SERPINA12: variants seen among roughly 807,000 people sequenced by gnomAD.
The protein encoded by SERPINA12 is serpin A12.
A neutral mutation model predicts 25.9 loss-of-function variants in SERPINA12; 21 were observed. The observed-to-expected ratio is 0.81, with a 90% confidence interval of 0.58 to 1.17. The LOEUF is 1.17. Ranked by LOEUF, SERPINA12 falls within the 50% of genes most tolerant of loss-of-function variation. SERPINA12 has a pLI of 0.00. For missense variants in SERPINA12, 562 were observed against 508.3 expected (o/e 1.11, Z -1.02); for synonymous variants, 220 against 196.0 (o/e 1.12, Z -1.02).
At chr14:94,508,911 C>A (rs1486791029) in intron 1 of SERPINA12, among the ~76,000 whole-genome samples, 3 of 152,148 alleles carry the variant, frequency 2.0e-5, no homozygotes, top group Non-Finnish European at 4.4e-5. Flanking sequence ...TACTTCCATG[C>A]ACATATTAGT....
intron 1 of SERPINA12, among the ~76,000 whole-genome samples, chr14:94,502,066 T>C (rs947920202): frequency 6.7e-6 from 1 of 150,072 alleles, no homozygotes; most frequent in Non-Finnish European, 1.5e-5. Context: ...CTGTGTGTGT[T>C]TGGCTGTGAC....
In SERPINA12 at chr14:94,487,296, T is replaced by A; in HGVS notation, c.*7A>T. 8 of 1,609,824 alleles carry A rather than the reference T, an allele frequency of 5.0e-6. No homozygotes were observed. Among genetic ancestry groups the A allele is most frequent in the Non-Finnish European group, 6.8e-6 (8 of 1,177,038 alleles). On this transcript the variant is annotated 3_prime_UTR_variant, in exon 5 of 5. Coordinates refer to ENST00000677451, the MANE Select transcript of SERPINA12 (RefSeq NM_001382267.1). Reference sequence around the variant, plus strand: ...GTTCGGGGTCTGTGGCAAGCAGGAATTCTCCTTTATTTTCCAATAGGGTTA... The same window carrying A: ...GTTCGGGGTCTGTGGCAAGCAGGAAATCTCCTTTATTTTCCAATAGGGTTA...
intron 1 of SERPINA12, among the ~76,000 whole-genome samples, chr14:94,508,835 G>A (rs1212514548): frequency 2.0e-5 from 3 of 152,096 alleles, no homozygotes; most frequent in Admixed American, 2.0e-4. Context: ...AAACATTGTG[G>A]GTGGGGGCCA....
chr14:94,513,888 A>G (rs566460615), upstream of SERPINA12, among the ~76,000 whole-genome samples: 2 of 152,310 alleles, frequency 1.3e-5, no homozygotes, highest in South Asian at 4.2e-4. Context: ...CCCAAGACCA[A>G]AAATGCTTTC....
At chr14:94,501,894 G>A (rs1414102154) in intron 1 of SERPINA12, among the ~76,000 whole-genome samples, 1 of 152,092 alleles carries the variant, frequency 6.6e-6, no homozygotes, top group Non-Finnish European at 1.5e-5. Context: ...TTTGTCAGTT[G>A]GGTTAGATGC....
In SERPINA12 at chr14:94,496,560, T is replaced by C. The variant is rs74077729; in HGVS notation, c.718A>G (p.Met240Val). ...LEKNSSVKVPMMFRSGIYQVG... is the reference protein window; with the variant it reads ...LEKNSSVKVPVMFRSGIYQVG... Reference sequence around the variant, plus strand: ...TGGTATATGCCACTACGGAACATCATGGGCACCTTGACTGAACTGTTTTTC... The same window carrying C: ...TGGTATATGCCACTACGGAACATCACGGGCACCTTGACTGAACTGTTTTTC... Residue 240 changes from methionine (M) to valine (V), a missense_variant, in exon 3 of 5, where the codon ATG becomes GTG. Coordinates refer to ENST00000677451, the MANE Select transcript of SERPINA12 (RefSeq NM_001382267.1). 3.9e-4 allele frequency: 631 copies of C among 1,614,114 alleles called. No homozygotes were observed. The African/African-American group carries it at 4.1e-3, about 11-fold the overall frequency.
At position 94,498,317 on chromosome 14, in the gene SERPINA12, T is replaced by C. The variant is rs781119239; in HGVS notation, c.81A>G (p.Pro27=). The change falls in exon 2 of 5, where the codon CCA becomes CCG. Residue 27 remains proline, a synonymous_variant. Transcript: ENST00000677451. ...VKGLLKPSFS[P]RNYKALSEVQ... Reference sequence around the variant, plus strand: ...CCTCGCTCAAAGCTTTATAATTCCTTGGTGAGAAGCTCGGCTTTAGAAGAC... The same window carrying C: ...CCTCGCTCAAAGCTTTATAATTCCTCGGTGAGAAGCTCGGCTTTAGAAGAC... The C allele has an allele frequency of 1.2e-6, 2 of 1,614,080 alleles. No individual in the cohort carries two copies. Among genetic ancestry groups the C allele is most frequent in the African/African-American group, 1.3e-5 (1 of 74,936 alleles).
chr14:94,516,088 T>C (rs1176324672), exon 2 of SERPINA12: 2 of 152,526 alleles, frequency 1.3e-5, no homozygotes, highest in East Asian at 3.9e-4. Flanking sequence ...GTGTGCTGGC[T>C]CTGTTCTTGC....
intron 4 of SERPINA12, 76 bp from the exon 5 acceptor site, chr14:94,487,570 T>C: frequency 7.4e-7 from 1 of 1,347,526 alleles, no homozygotes; most frequent in Non-Finnish European, 1.0e-6. Context: ...CCAGAGAGGA[T>C]CAGAGAGGAA....
At chr14:94,517,194 T>G (rs1901257204) in intron 1 of SERPINA12, among the ~76,000 whole-genome samples, 1 of 151,298 alleles carries the variant, frequency 6.6e-6, no homozygotes. Context: ...GGACCATGTG[T>G]AGCACAGCCT....
At chr14:94,511,755 A>G, upstream of SERPINA12, 1 of 977,006 alleles carries the variant, frequency 1.0e-6, no homozygotes, top group Non-Finnish European at 1.2e-6. Flanking sequence ...CCAGGCAGCA[A>G]GCCAGGTGTG....
chr14:94,490,662 C>T (rs937926811), intron 3 of SERPINA12, among the ~76,000 whole-genome samples: 2 of 152,104 alleles, frequency 1.3e-5, no homozygotes, highest in Non-Finnish European at 2.9e-5. Context: ...CATTTCTTTT[C>T]TTCCTTTTAT....
At chr14:94,514,591 TG>T (rs1184955700) in intron 2 of SERPINA12, among the ~76,000 whole-genome samples, 1 of 151,998 alleles carries the variant, frequency 6.6e-6, no homozygotes, top group Non-Finnish European at 1.5e-5. Flanking sequence ...CTTTGGGCAT[TG>T]GGGGTGGGGT....
chr14:94,493,741 G>T (rs963387918), intron 3 of SERPINA12, among the ~76,000 whole-genome samples: 1 of 152,168 alleles, frequency 6.6e-6, no homozygotes, highest in African/African-American at 2.4e-5. Context: ...TCCCTGTGAG[G>T]AGCTTTGGTT....
At chr14:94,493,547 A>G (rs1900266493) in intron 3 of SERPINA12, among the ~76,000 whole-genome samples, 1 of 152,166 alleles carries the variant, frequency 6.6e-6, no homozygotes, top group Non-Finnish European at 1.5e-5. Flanking sequence ...AGATGCTGAG[A>G]GCAGCCTACA....
At chr14:94,492,283 G>T (rs1900208789) in intron 3 of SERPINA12, among the ~76,000 whole-genome samples, 1 of 152,192 alleles carries the variant, frequency 6.6e-6, no homozygotes, top group African/African-American at 2.4e-5. Context: ...GTGAACAGAG[G>T]CAACTGCTTC....
intron 1 of SERPINA12, among the ~76,000 whole-genome samples, chr14:94,507,518 A>G (rs1041731279): frequency 8.5e-5 from 13 of 152,214 alleles, no homozygotes; most frequent in Non-Finnish European, 1.6e-4. Flanking sequence ...AAAGACAACA[A>G]CTTAAAAACT....
Position 94,487,454 on chromosome 14 carries a change from G to C in SERPINA12, c.1094C>G (p.Thr365Arg). 1 of 1,613,896 alleles carries C rather than the reference G, an allele frequency of 6.2e-7. No individual in the cohort carries two copies. Among genetic ancestry groups the C allele is most frequent in the Non-Finnish European group, 8.5e-7 (1 of 1,179,934 alleles). Residue 365 changes from threonine (T) to arginine (R), a missense_variant, in exon 5 of 5, where the codon ACG (threonine) becomes AGG (arginine). Thr to Arg is a moderately conservative substitution (Grantham distance 71). Transcript: ENST00000677451. ...TGCTCCGGTGCCAGCGGCCCCTTCC[G>C]TACCCCTCTCATCCATCTTCAGCTC... The part of the protein sequence containing the change: ...KAELKMDERG[T>R]EGAAGTGAQT...
chr14:94,499,476 T>C (rs1292947850), intron 1 of SERPINA12, among the ~76,000 whole-genome samples: 4 of 152,258 alleles, frequency 2.6e-5, no homozygotes, highest in African/African-American at 9.6e-5. Context: ...ATTTCTCTGG[T>C]TGGACATACT....
Sources: gnomAD v4.1 joint callset for allele counts (sites outside exome capture counted in the v4.1 genomes callset) on GRCh38, gnomAD v4.1.1 for gene constraint, MANE v1.5 for transcripts, NCBI Gene and HGNC (gene_info 2026-07-23, HGNC 2026-07-21) for gene names.